Variants in SHOX observed in about 807,000 individuals in gnomAD.
SHOX encodes the protein short stature homeobox protein.
In SHOX, 12 loss-of-function variants were observed where a neutral mutation model predicts 29.6. The ratio of observed to expected loss-of-function variants is 0.41; its 90% confidence interval spans 0.26 to 0.66. SHOX has a LOEUF of 0.66. Among genes scored for constraint, SHOX ranks in the 30% least tolerant of loss-of-function variants. The pLI, the probability that SHOX is intolerant of heterozygous loss-of-function variation, is 0.35. For missense variants in SHOX, 499 were observed against 437.7 expected (o/e 1.14, Z -1.25); for synonymous variants, 214 against 200.6 (o/e 1.07, Z -0.57).
chrX:635,601 C>T (rs1429560812), intron 2 of SHOX, among the ~76,000 whole-genome samples: 2 of 152,224 alleles, frequency 1.3e-5, no homozygotes, highest in South Asian at 2.1e-4. Flanking sequence ...CCCCGAGGAG[C>T]GCGCGAATTC....
At chrX:638,574 G>C (rs1045664221) in intron 2 of SHOX, among the ~76,000 whole-genome samples, 4 of 152,200 alleles carry the variant, frequency 2.6e-5, no homozygotes, top group African/African-American at 9.6e-5. Context: ...ACAGGATCAG[G>C]TTCTCCAGGC....
rs1569495690 is a variant in SHOX at position 648,918 on chromosome X, T to TC, written c.*4282_*4283insC. Among the ~76,000 whole-genome samples the TC allele has an allele frequency of 1.4e-5, 2 of 146,684 alleles. No homozygotes were observed. The highest frequency in any genetic ancestry group is 5.1e-5 in the African/African-American group (2 of 39,504). On this transcript the variant is annotated 3_prime_UTR_variant, in exon 5 of 5. Coordinates refer to ENST00000686671, the MANE Select transcript of SHOX (RefSeq NM_000451.4). ...TTCCTTCCTTCCTTCCTTTCTTTCTTTTTCTTTCTTTCTCTCTTTCTTTCT... is the reference window on the plus strand; with the variant it reads ...TTCCTTCCTTCCTTCCTTTCTTTCTTCTTTCTTTCTTTCTCTCTTTCTTTCT...
chrX:644,652 C>G lies in SHOX; in HGVS notation c.*16C>G. ...GGGGCTCTGACCCGCCGCGCAGCCC[C>G]CCGCGCGCCCGGACTCCCGGGCTCC... On this transcript the variant is annotated 3_prime_UTR_variant, in exon 5 of 5. Transcript: ENST00000686671. The G allele has an allele frequency of 6.9e-7, 1 of 1,441,910 alleles. No homozygotes were observed. The highest frequency in any genetic ancestry group is 2.9e-5 in the East Asian group (1 of 33,986). The allele number at this position is 1,441,910 out of a possible 1,614,324, so 89.3% of individuals were successfully genotyped here.
chrX:635,868 G>C (rs1454677529), intron 2 of SHOX, among the ~76,000 whole-genome samples: 1 of 149,290 alleles, frequency 6.7e-6, no homozygotes, highest in Non-Finnish European at 1.5e-5. Flanking sequence ...GAGAGAGAGA[G>C]AGAGAGAGAG....
rs1248350356 is a variant in SHOX, at chrX:624,920, TTC to T, written c.-433+320_-433+321del. On this transcript the variant is annotated intron_variant, in intron 1 of 5. Transcript: ENST00000334060. ...TTTCTTTCTCTCTTCCTTTCTTTCT[TTC>T]TTTCTTTCTTTTCTTTCTTTCACTT... Among the ~76,000 whole-genome samples the T allele has an allele frequency of 7.0e-5, 8 of 114,764 alleles. 1 individual carries two copies. Among genetic ancestry groups the T allele is most frequent in the Non-Finnish European group, 1.5e-4 (8 of 54,848 alleles). The allele number at this position is 114,764 out of a possible 152,430, so 75.3% of individuals were successfully genotyped here.
downstream of SHOX, among the ~76,000 whole-genome samples, chrX:655,562 C>T (rs903139191): frequency 3.5e-4 from 33 of 94,910 alleles, no homozygotes; most frequent in South Asian, 9.6e-3. Flanking sequence ...AAAGGACTCT[C>T]TCTCTGTCTC....
At chrX:628,146 T>C (rs865947751), upstream of SHOX, among the ~76,000 whole-genome samples, 3 of 39,224 alleles carry the variant, frequency 7.6e-5, no homozygotes, top group Admixed American at 2.8e-4. Flanking sequence ...TCTATCTGTG[T>C]CTCTCTTTTT....
chrX:650,174 A>G lies in SHOX; in HGVS notation c.*5538A>G, dbSNP rs1298789540. Among the ~76,000 whole-genome samples the G allele has an allele frequency of 6.6e-6, 1 of 152,212 alleles. No individual in the cohort carries two copies. The highest frequency in any genetic ancestry group is 1.5e-5 in the Non-Finnish European group (1 of 68,044). ...CGCCGTGGATAAAGAGATGGGACAG[A>G]TTCTGTGCCTCTGTACGATTTAGAG... On this transcript the variant is annotated 3_prime_UTR_variant, in exon 5 of 5. Coordinates refer to ENST00000686671, the MANE Select transcript of SHOX (RefSeq NM_000451.4).
At position 646,713 on chromosome X, in the gene SHOX, GGAGA is replaced by G. The variant is rs1317842591; in HGVS notation, c.*2086_*2089del. The stretch of plus-strand genomic sequence containing the variant: ...AATGTTACAACCGCTGTAAAATGAC[GGAGA>G]GAGAGAGAAAGAATCCCAGACATTA... On this transcript the variant is annotated 3_prime_UTR_variant, in exon 5 of 5. Coordinates refer to ENST00000686671, the MANE Select transcript of SHOX (RefSeq NM_000451.4). 4.0e-5 allele frequency: 6 copies of G among 151,446 alleles called. No homozygotes were observed. The highest frequency in any genetic ancestry group is 2.1e-4 in the South Asian group (1 of 4,790). The allele number at this position is 151,446 out of a possible 1,614,324, so 9.4% of individuals were successfully genotyped here. A position where few individuals can be genotyped will look rare whatever the true frequency, so the allele number is the denominator to read the frequency against.
upstream of SHOX, among the ~76,000 whole-genome samples, chrX:626,770 CCT>C (rs1305686073): frequency 1.5e-4 from 22 of 146,388 alleles, no homozygotes; most frequent in Non-Finnish European, 3.2e-4. Context: ...CTCTTTCTCT[CCT>C]CTCTTTTTCT....
chrX:641,789 G>A (rs1439688928), intron 4 of SHOX, among the ~76,000 whole-genome samples: 2 of 151,968 alleles, frequency 1.3e-5, no homozygotes, highest in Non-Finnish European at 2.9e-5. Context: ...GGGGTGAAAA[G>A]TCCACACAGT....
chrX:633,522 AAGAC>A (rs2052685105), intron 1 of SHOX, among the ~76,000 whole-genome samples: 1 of 151,240 alleles, frequency 6.6e-6, no homozygotes, highest in African/African-American at 2.4e-5. Context: ...GGAAGGAAGA[AAGAC>A]AGAACAGGGT....
At chrX:627,763 T>C (rs959827242), upstream of SHOX, among the ~76,000 whole-genome samples, 33 of 152,108 alleles carry the variant, frequency 2.2e-4, no homozygotes, top group African/African-American at 8.0e-4. Flanking sequence ...GGGGTCCAGA[T>C]TGCGGCCCAA....
Position 644,593 on chromosome X carries a change from T to C in SHOX, c.836T>C (p.Leu279Pro). 1 of 1,512,046 alleles carries C rather than the reference T, an allele frequency of 6.6e-7. No individual in the cohort carries two copies. Among genetic ancestry groups the C allele is most frequent in the Non-Finnish European group, 8.8e-7 (1 of 1,137,080 alleles). The allele number at this position is 1,512,046 out of a possible 1,614,324, so 93.7% of individuals were successfully genotyped here. A position where few individuals can be genotyped will look rare whatever the true frequency, so the allele number is the denominator to read the frequency against. The change falls in exon 5 of 5, where the codon CTG (leucine) becomes CCG (proline). Residue 279 changes from leucine (L) to proline (P), a missense_variant. Transcript: ENST00000686671. Reference protein sequence around the residue: ...SNSKNSSIADLRLKARKHAEA... With the variant: ...SNSKNSSIADPRLKARKHAEA... ...AGCAAGAATTCCAGCATCGCCGACCTGCGGCTCAAGGCGCGGAAGCACGCG... is the reference window on the plus strand; with the variant it reads ...AGCAAGAATTCCAGCATCGCCGACCCGCGGCTCAAGGCGCGGAAGCACGCG...
downstream of SHOX, among the ~76,000 whole-genome samples, chrX:654,958 G>C: frequency 6.7e-6 from 1 of 150,234 alleles, no homozygotes; most frequent in Non-Finnish European, 1.5e-5. Context: ...AAAGTGCTGG[G>C]ATGACAGGCG....
chrX:655,663 T>C (rs1018426824), downstream of SHOX, among the ~76,000 whole-genome samples: 2 of 137,332 alleles, frequency 1.5e-5, no homozygotes, highest in Non-Finnish European at 3.1e-5. Context: ...TATATGAGTT[T>C]CAAAAATTGC....
chrX:651,905 C>T (rs1380311035), downstream of SHOX, among the ~76,000 whole-genome samples: 2 of 151,830 alleles, frequency 1.3e-5, no homozygotes, highest in African/African-American at 4.8e-5. Flanking sequence ...TAATTCTCCA[C>T]TTTCTTTAAT....
chrX:638,697 C>G (rs1339162263), intron 2 of SHOX, among the ~76,000 whole-genome samples: 1 of 152,184 alleles, frequency 6.6e-6, no homozygotes, highest in African/African-American at 2.4e-5. Context: ...GTGTAGACTC[C>G]TGGCTGCTCC....
rs775732794 is a variant in SHOX, at chrX:631,080, G to A, written c.183G>A (p.Glu61=). Residue 61 remains glutamate (E), a synonymous_variant, in exon 1 of 5, where the codon GAG becomes GAA. Transcript: ENST00000686671. The stretch of plus-strand genomic sequence containing the variant: ...ATTCCAGCCTCCAGGACATCACGGA[G>A]GGCGGCGGCCACTGCCCGGTGCATT... ...TSDSSLQDIT[E]GGGHCPVHLF... 6.2e-7 allele frequency: 1 copy of A among 1,613,788 alleles called. No individual in the cohort carries two copies.
Sources: gnomAD v4.1 joint callset for allele counts (sites outside exome capture counted in the v4.1 genomes callset) on GRCh38, gnomAD v4.1.1 for gene constraint, MANE v1.5 for transcripts, NCBI Gene and HGNC (gene_info 2026-07-23, HGNC 2026-07-21) for gene names.